The following TRABD2A variants were observed in gnomAD, a reference collection of about 807,000 sequenced individuals.
The protein encoded by TRABD2A is metalloprotease TIKI1.
In TRABD2A, 43 loss-of-function variants were observed where a neutral mutation model predicts 45.6. The observed-to-expected ratio is 0.94, with a 90% CI of 0.74 to 1.22. The LOEUF is 1.22. Among genes scored for constraint, TRABD2A ranks in the 50% most tolerant of loss-of-function variants. The probability of loss-of-function intolerance (pLI) is 0.00; values close to 1 mark genes in which losing one functional copy is unlikely to be tolerated. For missense variants in TRABD2A, 642 were observed against 652.4 expected (o/e 0.98, Z 0.17); for synonymous variants, 269 against 265.0 (o/e 1.02, Z -0.15).
chr2:84,829,611 C>CACCACACGT (rs142837958), intron 5 of TRABD2A, among the ~76,000 whole-genome samples: 1 of 144,628 alleles, frequency 6.9e-6, no homozygotes, highest in African/African-American at 2.6e-5. Flanking sequence ...GTACCACACA[C>CACCACACGT]ACCACAACAC....
chr2:84,879,345 A>AT (rs768278638), intron 1 of TRABD2A, among the ~76,000 whole-genome samples: 134 of 151,564 alleles, frequency 8.8e-4, no homozygotes, highest in Non-Finnish European at 1.6e-3. Context: ...CACGCTGGTA[A>AT]TTTTTTTTAT....
chr2:84,866,614 A>C (rs1682682625), intron 2 of TRABD2A, among the ~76,000 whole-genome samples: 1 of 151,086 alleles, frequency 6.6e-6, no homozygotes. Context: ...GGACTGTCTC[A>C]TGGTAGGCAC....
chr2:84,834,557 A>G (rs954902508), intron 4 of TRABD2A: 1 of 152,358 alleles, frequency 6.6e-6, no homozygotes, highest in African/African-American at 2.4e-5. Context: ...CATCGTTTTG[A>G]CCCCAGCCCC....
At chr2:84,853,204 G>A (rs769698905) in intron 2 of TRABD2A, among the ~76,000 whole-genome samples, 7 of 151,942 alleles carry the variant, frequency 4.6e-5, no homozygotes, top group East Asian at 3.9e-4. Context: ...AACACCCACC[G>A]AGAACACCAT....
At position 84,841,850 on chromosome 2, in the gene TRABD2A, A is replaced by G; in HGVS notation, c.816+11T>C. 6.6e-7 allele frequency: 1 copy of G among 1,510,238 alleles called. No homozygotes were observed. Among genetic ancestry groups the G allele is most frequent in the Non-Finnish European group, 8.8e-7 (1 of 1,131,820 alleles). The allele number at this position is 1,510,238 out of a possible 1,614,324, so 93.6% of individuals were successfully genotyped here. Reference sequence around the variant, plus strand: ...TGTGTGCTGAGCTTGGCAGGGGGAAAGGGTGCTCACCTGGGAGCTGTCATG... The same window carrying G: ...TGTGTGCTGAGCTTGGCAGGGGGAAGGGGTGCTCACCTGGGAGCTGTCATG... On this transcript the variant is annotated intron_variant, in intron 3 of 6. Transcript: ENST00000409520.
chr2:84,875,761 A>AAGTGTT (rs1683005099), intron 1 of TRABD2A, among the ~76,000 whole-genome samples: 1 of 152,192 alleles, frequency 6.6e-6, no homozygotes, highest in African/African-American at 2.4e-5. Flanking sequence ...TGTAATCCCA[A>AAGTGTT]CACTTTGGGA....
At chr2:84,852,959 C>T (rs148984086) in intron 2 of TRABD2A, among the ~76,000 whole-genome samples, 13 of 152,194 alleles carry the variant, frequency 8.5e-5, no homozygotes, top group Middle Eastern at 3.4e-3. Context: ...GCTGTGGAAC[C>T]ACTAGAGAGG....
intron 4 of TRABD2A, chr2:84,834,611 G>T (rs542209496): frequency 2.6e-5 from 4 of 152,218 alleles, no homozygotes; most frequent in Non-Finnish European, 5.9e-5. Flanking sequence ...CTATAGATTT[G>T]CCTGTTCTGG....
At chr2:84,853,517 C>T (rs368972170) in intron 2 of TRABD2A, among the ~76,000 whole-genome samples, 4 of 152,310 alleles carry the variant, frequency 2.6e-5, no homozygotes, top group South Asian at 4.1e-4. Context: ...AATTACCTCC[C>T]ACCTGGTCCC....
chr2:84,869,390 T>C (rs1391566761), intron 2 of TRABD2A, among the ~76,000 whole-genome samples: 3 of 152,258 alleles, frequency 2.0e-5, no homozygotes, highest in Admixed American at 6.5e-5. Flanking sequence ...GTATTACTTA[T>C]GAGAATTGAA....
rs767375703 is a variant in TRABD2A, at chr2:84,880,989, C to G, written c.51G>C (p.Thr17=). ...FLLQTLCLLP[T]GAASRRGAPG... ...GCGCCCCGCGCCGCGAAGCTGCGCC[C>G]GTGGGCAGGAGGCAGAGGGTCTGCA... The change falls in exon 1 of 7, where the codon ACG becomes ACC. Residue 17 remains threonine, a synonymous_variant. Coordinates refer to ENST00000409520, the MANE Select transcript of TRABD2A (RefSeq NM_001277053.2). 12 of 1,605,370 alleles carry G rather than the reference C, an allele frequency of 7.5e-6. No individual in the cohort carries two copies. Among genetic ancestry groups the G allele is most frequent in the Non-Finnish European group, 1.0e-5 (12 of 1,176,820 alleles).
intron 2 of TRABD2A, among the ~76,000 whole-genome samples, chr2:84,865,228 A>T (rs911313783): frequency 8.8e-6 from 1 of 113,420 alleles, no homozygotes. Flanking sequence ...CATTGTGGGG[A>T]AAAAAAAAGA....
chr2:84,870,949 T>G (rs1682855915), intron 1 of TRABD2A, among the ~76,000 whole-genome samples, 164 bp from the exon 2 acceptor site: 3 of 151,604 alleles, frequency 2.0e-5, no homozygotes, highest in African/African-American at 7.3e-5. Context: ...TCCATTGCCC[T>G]AAATAGACAG....
chr2:84,862,346 C>T (rs987094134), intron 2 of TRABD2A, among the ~76,000 whole-genome samples: 5 of 152,168 alleles, frequency 3.3e-5, no homozygotes, highest in South Asian at 2.1e-4. Flanking sequence ...GAAGTCTAGA[C>T]GTGTCATTGG....
intron 1 of TRABD2A, among the ~76,000 whole-genome samples, chr2:84,873,195 T>A (rs1271838312): frequency 2.1e-5 from 3 of 144,976 alleles, no homozygotes; most frequent in African/African-American, 7.8e-5. Context: ...CCGAGGAGGG[T>A]GGATCACTTG....
At chr2:84,874,845 C>A in intron 1 of TRABD2A, 1 of 189,118 alleles carries the variant, frequency 5.3e-6, no homozygotes, top group South Asian at 1.0e-4. Context: ...CTGCTTCTGC[C>A]CTCGAAGCCT....
At chr2:84,841,761 A>G (rs1681717335) in intron 3 of TRABD2A, 100 bp downstream of exon 3, 1 of 1,271,012 alleles carries the variant, frequency 7.9e-7, no homozygotes, top group Non-Finnish European at 1.0e-6. Flanking sequence ...AGCCCTCATG[A>G]CCTCAATCCT....
intron 6 of TRABD2A, among the ~76,000 whole-genome samples, chr2:84,822,557 A>G (rs1573911347): frequency 6.6e-6 from 1 of 152,230 alleles, no homozygotes; most frequent in East Asian, 1.9e-4. Flanking sequence ...CCAGGTCAAG[A>G]CAGTTCAAGC....
intron 2 of TRABD2A, among the ~76,000 whole-genome samples, chr2:84,847,408 T>A (rs1266130763): frequency 5.3e-5 from 8 of 152,204 alleles, no homozygotes; most frequent in Middle Eastern, 3.4e-3. Context: ...GCTCAGAAAC[T>A]CCCACCAGTT....
Sources: allele counts gnomAD v4.1 joint callset (sites outside exome capture counted in the v4.1 genomes callset), GRCh38; gene constraint gnomAD v4.1.1; transcripts MANE v1.5; gene names NCBI Gene and HGNC (gene_info 2026-07-23, HGNC 2026-07-21).